UST: variants seen among roughly 807,000 people sequenced by gnomAD.
UST encodes chondroitin sulfate 2-O-sulfotransferase.
In UST, 21 loss-of-function variants were observed where a neutral mutation model predicts 45.6. That is an observed-to-expected ratio of 0.46 (90% confidence interval 0.33 to 0.66). UST has a LOEUF of 0.66. Ranked by LOEUF, UST falls within the 30% of genes least tolerant of loss-of-function variation. UST has a pLI of 0.02. For missense variants in UST, 463 were observed against 512.4 expected, an observed-to-expected ratio of 0.90 and a Z score of 0.93; for synonymous variants, 215 against 200.6, an observed-to-expected ratio of 1.07 and a Z score of -0.61.
chr6:149,042,995 CTTTCTTTCTTTCTTTCTTTCTTTCTT>C (rs2115032089), intron 7 of UST, among the ~76,000 whole-genome samples: 3 of 117,620 alleles, frequency 2.6e-5, no homozygotes, highest in African/African-American at 1.2e-4. Flanking sequence ...TTCTTTCTTT[CTTTCTTTCTTTCTTTCTTTCTTTCTT>C]TTTCTTTCTT....
intron 1 of UST, among the ~76,000 whole-genome samples, chr6:148,776,787 C>T (rs960942276): frequency 2.6e-5 from 4 of 152,144 alleles, no homozygotes; most frequent in African/African-American, 4.8e-5. Context: ...GTTTGAATCT[C>T]GTAAGACATT....
intron 2 of UST, among the ~76,000 whole-genome samples, chr6:148,926,496 C>T (rs1471446893): frequency 1.3e-5 from 2 of 152,194 alleles, no homozygotes; most frequent in Non-Finnish European, 2.9e-5. Flanking sequence ...CTCTTATCTT[C>T]GTTCTCTGTC....
At chr6:148,879,941 C>CTTTTTT (rs767195786) in intron 1 of UST, among the ~76,000 whole-genome samples, 1 of 109,912 alleles carries the variant, frequency 9.1e-6, no homozygotes. Context: ...TTTCTTTTTT[C>CTTTTTT]TTTTTTTTTT....
intron 7 of UST, among the ~76,000 whole-genome samples, chr6:149,063,591 G>C (rs558119635): frequency 1.1e-4 from 16 of 152,298 alleles, no homozygotes; most frequent in African/African-American, 3.8e-4. Flanking sequence ...TAAGGACCCA[G>C]CATTTGTGGG....
chr6:149,062,432 T>G (rs1339831973), intron 7 of UST, among the ~76,000 whole-genome samples: 1 of 152,194 alleles, frequency 6.6e-6, no homozygotes, highest in Non-Finnish European at 1.5e-5. Flanking sequence ...AACAAACATT[T>G]ATGGAGGGTG....
intron 1 of UST, among the ~76,000 whole-genome samples, chr6:148,864,273 G>A (rs1256887743): frequency 6.6e-6 from 1 of 152,248 alleles, no homozygotes; most frequent in African/African-American, 2.4e-5. Flanking sequence ...AGCAGCGAGT[G>A]AGGCTCCATG....
At chr6:149,005,757 C>A (rs980326579) in intron 5 of UST, among the ~76,000 whole-genome samples, 5 of 152,116 alleles carry the variant, frequency 3.3e-5, no homozygotes, top group Non-Finnish European at 7.3e-5. Context: ...TCATTTCCAC[C>A]AGACACCTAG....
intron 7 of UST, among the ~76,000 whole-genome samples, chr6:149,048,605 T>G (rs1158565792): frequency 2.6e-5 from 4 of 152,132 alleles, no homozygotes; most frequent in Non-Finnish European, 5.9e-5. Flanking sequence ...TAAGCATGTT[T>G]AAAACATACT....
At chr6:149,056,117 C>CTTTTCTTTTTTTT (rs1562341621) in intron 7 of UST, among the ~76,000 whole-genome samples, 9 of 81,068 alleles carry the variant, frequency 1.1e-4, no homozygotes, top group East Asian at 3.7e-4. Context: ...CTTTTCTTTT[C>CTTTTCTTTTTTTT]TTTTTTTTTT....
intron 5 of UST, among the ~76,000 whole-genome samples, chr6:148,983,692 A>G (rs1781181173): frequency 6.6e-6 from 1 of 152,232 alleles, no homozygotes; most frequent in Admixed American, 6.5e-5. Context: ...AAGTACAAGA[A>G]TGTCTGAAAA....
At chr6:148,927,795 G>A (rs1779844168) in intron 2 of UST, among the ~76,000 whole-genome samples, 1 of 152,182 alleles carries the variant, frequency 6.6e-6, no homozygotes, top group Non-Finnish European at 1.5e-5. Flanking sequence ...ATGTCACTCA[G>A]TCAAAGCAGC....
At chr6:148,778,859 G>A (rs886596431) in intron 1 of UST, among the ~76,000 whole-genome samples, 4 of 152,102 alleles carry the variant, frequency 2.6e-5, no homozygotes, top group Non-Finnish European at 4.4e-5. Context: ...CTCTGATGAC[G>A]ACCAAGGCCC....
chr6:148,884,543 G>A (rs982782571), intron 1 of UST, among the ~76,000 whole-genome samples: 1 of 152,190 alleles, frequency 6.6e-6, no homozygotes, highest in Non-Finnish European at 1.5e-5. Flanking sequence ...ACAAGAGGCT[G>A]GAGTGCTCTG....
chr6:148,953,836 G>T, intron 3 of UST, 36 bp from the exon 4 acceptor site: 9 of 1,195,696 alleles, frequency 7.5e-6, no homozygotes, highest in South Asian at 3.0e-5. Flanking sequence ...TGGTAAATTA[G>T]ATCCTATATA....
chr6:148,908,946 C>T (rs546460989), intron 2 of UST, among the ~76,000 whole-genome samples: 1 of 152,286 alleles, frequency 6.6e-6, no homozygotes, highest in South Asian at 2.1e-4. Context: ...TAGCAAAAAA[C>T]ATTTCAATAG....
intron 4 of UST, among the ~76,000 whole-genome samples, chr6:148,957,969 G>A (rs1780555222): frequency 1.3e-5 from 2 of 152,186 alleles, no homozygotes; most frequent in African/African-American, 4.8e-5. Context: ...CTGGCAAGCA[G>A]ACTGTAAGGA....
At chr6:148,909,523 C>T (rs1779434933) in intron 2 of UST, among the ~76,000 whole-genome samples, 1 of 152,180 alleles carries the variant, frequency 6.6e-6, no homozygotes, top group African/African-American at 2.4e-5. Context: ...ATTCCAATTG[C>T]AGGCACCCAA....
At chr6:148,956,066 C>G (rs1582921912) in intron 4 of UST, 1 of 152,148 alleles carries the variant, frequency 6.6e-6, no homozygotes, top group East Asian at 1.9e-4. Context: ...CCGTCAGGAC[C>G]TCTGGTGTCA....
intron 1 of UST, among the ~76,000 whole-genome samples, chr6:148,823,571 A>T (rs1777508227): frequency 6.6e-6 from 1 of 152,210 alleles, no homozygotes; most frequent in Non-Finnish European, 1.5e-5. Flanking sequence ...TGTTACTCAC[A>T]TTTCCTTTTC....
Sources: gnomAD v4.1 joint callset for allele counts (sites outside exome capture counted in the v4.1 genomes callset) on GRCh38, gnomAD v4.1.1 for gene constraint, MANE v1.5 for transcripts, NCBI Gene and HGNC (gene_info 2026-07-23, HGNC 2026-07-21) for gene names.